Variants in GRIA2 observed in about 807,000 individuals in gnomAD.
GRIA2 encodes the protein glutamate ionotropic receptor AMPA type subunit 2, also known as glutamate receptor 2.
A neutral mutation model predicts 97.3 loss-of-function variants in GRIA2; 14 were observed. The observed-to-expected ratio is 0.14, with a 90% CI of 0.10 to 0.23. The LOEUF (loss-of-function observed/expected upper bound fraction) is 0.23. Ranked by LOEUF, GRIA2 falls within the 10% of genes least tolerant of loss-of-function variation. The pLI is 1.00. For missense variants in GRIA2, 558 were observed against 1,069.8 expected, an observed-to-expected ratio of 0.52 and a Z score of 6.67; for synonymous variants, 412 against 387.8, an observed-to-expected ratio of 1.06 and a Z score of -0.73.
chr4:157,255,084 C>T (rs1731181581), intron 2 of GRIA2, among the ~76,000 whole-genome samples: 1 of 151,980 alleles, frequency 6.6e-6, no homozygotes, highest in African/African-American at 2.4e-5. Context: ...CCTTCTCTCC[C>T]TCTTACCCAG....
chr4:157,332,805 G>A lies in GRIA2; in HGVS notation c.883-14G>A, dbSNP rs760720089. 6.9e-6 allele frequency: 11 copies of A among 1,602,102 alleles called. No individual in the cohort carries two copies. The African/African-American group carries it at 1.2e-4, about 18-fold the overall frequency. Reference sequence around the variant, plus strand: ...TTTCTCCCGTTCTTATGAAATGTGTGTGATCCTTTGCAGTATACTTCTGCT... The same window carrying A: ...TTTCTCCCGTTCTTATGAAATGTGTATGATCCTTTGCAGTATACTTCTGCT... On this transcript the variant is annotated splice_polypyrimidine_tract_variant and intron_variant, in intron 6 of 15. Transcript: ENST00000264426.
intron 4 of GRIA2, among the ~76,000 whole-genome samples, chr4:157,317,110 G>T (rs1033047979): frequency 6.6e-6 from 1 of 151,996 alleles, no homozygotes; most frequent in Admixed American, 6.5e-5. Context: ...AACATTTCAC[G>T]GTCCTTAGGA....
chr4:157,334,030 G>T lies in GRIA2; in HGVS notation c.1176G>T (p.Val392=). 1 of 1,601,260 alleles carries T rather than the reference G, an allele frequency of 6.2e-7. No individual in the cohort carries two copies. Among genetic ancestry groups the T allele is most frequent in the Non-Finnish European group, 8.6e-7 (1 of 1,168,824 alleles). Residue 392 remains valine, a synonymous_variant, in exon 9 of 16, where the codon GTG becomes GTT. Coordinates refer to ENST00000264426, the MANE Select transcript of GRIA2 (RefSeq NM_001083619.3). ...TCCAGATTGGCTACTGGAGTGAAGTGGACAAAATGGTTGTTACCCTTACTG... is the reference window on the plus strand; with the variant it reads ...TCCAGATTGGCTACTGGAGTGAAGTTGACAAAATGGTTGTTACCCTTACTG... ...GPRKIGYWSE[V]DKMVVTLTEL...
At chr4:157,350,922 T>C (rs1162798825) in intron 12 of GRIA2, among the ~76,000 whole-genome samples, 1 of 150,996 alleles carries the variant, frequency 6.6e-6, no homozygotes, top group East Asian at 1.9e-4. Context: ...AATTTTACAT[T>C]AGTTTTTTCT....
At chr4:157,321,389 C>T in intron 5 of GRIA2, 49 bp from the exon 6 acceptor site, 1 of 1,335,998 alleles carries the variant, frequency 7.5e-7, no homozygotes, top group Non-Finnish European at 1.1e-6. Flanking sequence ...TGTTAAGTAG[C>T]ATTTTGTTCT....
At chr4:157,285,362 T>C (rs928364918) in intron 2 of GRIA2, among the ~76,000 whole-genome samples, 3 of 151,462 alleles carry the variant, frequency 2.0e-5, no homozygotes, top group African/African-American at 7.3e-5. Context: ...GATTTGCCTT[T>C]ATATTTTCTT....
chr4:157,317,110 G>A (rs1033047979), intron 4 of GRIA2, among the ~76,000 whole-genome samples: 9 of 151,994 alleles, frequency 5.9e-5, no homozygotes, highest in Admixed American at 3.9e-4. Flanking sequence ...AACATTTCAC[G>A]GTCCTTAGGA....
At chr4:157,280,034 A>G (rs1402599636) in intron 2 of GRIA2, among the ~76,000 whole-genome samples, 1 of 152,148 alleles carries the variant, frequency 6.6e-6, no homozygotes, top group African/African-American at 2.4e-5. Flanking sequence ...CTGAGACAGA[A>G]GAATTGCTTG....
chr4:157,302,664 A>G (rs1036692597), intron 2 of GRIA2, among the ~76,000 whole-genome samples: 1 of 152,184 alleles, frequency 6.6e-6, no homozygotes, highest in Non-Finnish European at 1.5e-5. Context: ...CACAATGTTA[A>G]GTATATACTG....
intron 4 of GRIA2, among the ~76,000 whole-genome samples, chr4:157,313,187 A>G (rs1734161066): frequency 6.6e-6 from 1 of 152,128 alleles, no homozygotes; most frequent in South Asian, 2.1e-4. Context: ...TTTAAGTCTG[A>G]TGAACTTTTT....
In GRIA2 at chr4:157,317,724, A is replaced by G; in HGVS notation, c.720+13A>G. On this transcript the variant is annotated intron_variant, in intron 5 of 15. Transcript: ENST00000264426. ...CATTGCAAATCTGGTAGGTGAATTA[A>G]TTGGTATATATTATTTTACTAGATA... 1.9e-6 allele frequency: 2 copies of G among 1,068,144 alleles called. No homozygotes were observed. The highest frequency in any genetic ancestry group is 1.4e-6 in the Non-Finnish European group (1 of 694,170). 66.2% of individuals were successfully genotyped at this position (1,068,144 alleles called of 1,614,324 possible). A position where few individuals can be genotyped will look rare whatever the true frequency, so the allele number is the denominator to read the frequency against.
At chr4:157,226,067 G>A (rs1254075466) in intron 2 of GRIA2, among the ~76,000 whole-genome samples, 1 of 151,870 alleles carries the variant, frequency 6.6e-6, no homozygotes. Flanking sequence ...TTACTCCCCA[G>A]AACCTTCCCT....
intron 6 of GRIA2, among the ~76,000 whole-genome samples, chr4:157,323,493 C>G (rs938260353): frequency 2.0e-5 from 3 of 151,846 alleles, no homozygotes; most frequent in Non-Finnish European, 2.9e-5. Flanking sequence ...GTCTAACTGC[C>G]GATCCCATTC....
chr4:157,318,089 T>C (rs1734405289), intron 5 of GRIA2, among the ~76,000 whole-genome samples: 1 of 152,170 alleles, frequency 6.6e-6, no homozygotes, highest in Admixed American at 6.5e-5. Context: ...TTTCTTATTA[T>C]TATAAATGAT....
chr4:157,337,935 C>G (rs1735361619), intron 11 of GRIA2, among the ~76,000 whole-genome samples: 1 of 147,892 alleles, frequency 6.8e-6, no homozygotes, highest in African/African-American at 2.5e-5. Context: ...TGTGACTTCC[C>G]TGTGGGACTT....
intron 2 of GRIA2, among the ~76,000 whole-genome samples, chr4:157,247,074 A>G (rs1353706332): frequency 6.6e-6 from 1 of 152,152 alleles, no homozygotes; most frequent in African/African-American, 2.4e-5. Flanking sequence ...CAGTCTTGGG[A>G]CTAAAGATGA....
chr4:157,246,542 G>A, intron 2 of GRIA2, among the ~76,000 whole-genome samples: 1 of 151,988 alleles, frequency 6.6e-6, no homozygotes. Context: ...TAATAACACT[G>A]ATTTCAAAAA....
At chr4:157,281,312 TC>T (rs1732583053) in intron 2 of GRIA2, among the ~76,000 whole-genome samples, 1 of 152,108 alleles carries the variant, frequency 6.6e-6, no homozygotes, top group Admixed American at 6.6e-5. Flanking sequence ...TGCTCTCTGC[TC>T]CACTTGGTCC....
intron 9 of GRIA2, 49 bp from the exon 10 acceptor site, chr4:157,335,622 T>C (rs757390934): frequency 9.9e-6 from 11 of 1,105,808 alleles, no homozygotes; most frequent in Non-Finnish European, 1.5e-5. Flanking sequence ...TGAGAGTACA[T>C]AATTAACACA....
Sources: allele counts gnomAD v4.1 joint callset (sites outside exome capture counted in the v4.1 genomes callset), GRCh38; gene constraint gnomAD v4.1.1; transcripts MANE v1.5; gene names NCBI Gene and HGNC (gene_info 2026-07-23, HGNC 2026-07-21).